The following MYH7 variants were observed in gnomAD, a reference collection of about 807,000 sequenced individuals.
The protein encoded by MYH7 is myosin heavy chain 7, also known as myosin-7.
Under a neutral mutation model 225.4 loss-of-function variants are expected in MYH7, and 129 were observed. The observed-to-expected ratio is 0.57, with a 90% CI of 0.50 to 0.66. The LOEUF (loss-of-function observed/expected upper bound fraction) is 0.66, where lower values mean the gene tolerates loss of function less well. Ranked by LOEUF, MYH7 falls within the 30% of genes least tolerant of loss-of-function variation. MYH7 has a pLI of 0.00. For synonymous variants in MYH7, 971 were observed against 1,007.6 expected, an observed-to-expected ratio of 0.96 and a Z score of 0.69; for missense variants, 1,649 against 2,517.0, an observed-to-expected ratio of 0.66 and a Z score of 7.38.
At chr14:23,417,074 C>T in intron 32 of MYH7, 79 bp downstream of exon 32, 11 of 1,614,040 alleles carry the variant, frequency 6.8e-6, no homozygotes, top group Admixed American at 1.7e-5. Flanking sequence ...GCCCAGACGC[C>T]TCTTGGAGCC....
At chr14:23,431,719 T>G in intron 7 of MYH7, 42 bp from the exon 8 acceptor site, 1 of 1,614,158 alleles carries the variant, frequency 6.2e-7, no homozygotes, top group Non-Finnish European at 8.5e-7. Flanking sequence ...CTCTTCTCCC[T>G]CCCTTTCTGC....
In MYH7 at chr14:23,419,502, G is replaced by A. The variant is rs1595077560; in HGVS notation, c.3834C>T (p.Ala1278=). The part of the protein sequence containing the change: ...RSVNDLTSQR[A]KLQTENGELS... ...GCTCACCATTCTCGGTTTGCAACTT[G>A]GCCCGCTGGCTGGTGAGGTCGTTGA... The change falls in exon 28 of 40, where the codon GCC becomes GCT. Residue 1278 remains alanine, a synonymous_variant. Coordinates refer to ENST00000355349, the MANE Select transcript of MYH7 (RefSeq NM_000257.4). The A allele has an allele frequency of 6.2e-7, 1 of 1,614,116 alleles. No homozygotes were observed. The highest frequency in any genetic ancestry group is 8.5e-7 in the Non-Finnish European group (1 of 1,180,032).
chr14:23,416,524 A>G (rs1180782483), intron 33 of MYH7, among the ~76,000 whole-genome samples: 1 of 152,190 alleles, frequency 6.6e-6, no homozygotes, highest in Non-Finnish European at 1.5e-5. Flanking sequence ...GCCAGCTATG[A>G]AGACAAGGAG....
chr14:23,432,728 ACCT>A lies in MYH7; in HGVS notation c.410_412del (p.Glu137del), dbSNP rs775610366. The A allele has an allele frequency of 6.2e-7, 1 of 1,614,046 alleles. No homozygotes were observed. Among genetic ancestry groups the A allele is most frequent in the South Asian group, 1.1e-5 (1 of 91,070 alleles). ...CTTCTTGCCCCGGTAGGCAGCCACCACCTCAGGAGTGTACACCGGCAGCCACTT... is the reference window on the plus strand; with the variant it reads ...CTTCTTGCCCCGGTAGGCAGCCACCACAGGAGTGTACACCGGCAGCCACTT... On this transcript the variant is annotated inframe_deletion, in exon 5 of 40. Coordinates refer to ENST00000355349, the MANE Select transcript of MYH7 (RefSeq NM_000257.4).
In MYH7 at chr14:23,416,035, T is replaced by G; in HGVS notation, c.4922A>C (p.Lys1641Thr). 1 of 1,614,202 alleles carries G rather than the reference T, an allele frequency of 6.2e-7. No individual in the cohort carries two copies. Among genetic ancestry groups the G allele is most frequent in the South Asian group, 1.1e-5 (1 of 91,086 alleles). The stretch of plus-strand genomic sequence containing the variant: ...CAAGCTCTGGAGGCTCTTGACTTGC[T>G]TCTGGGCCTCGGCGGCCATGCGGTT... The part of the protein sequence containing the change: ...HANRMAAEAQ[K>T]QVKSLQSLLK... The change falls in exon 34 of 40, where the codon AAG becomes ACG. Residue 1641 changes from lysine (K) to threonine (T), a missense_variant. By Grantham distance (78) the Lys-to-Thr change is moderately conservative. This residue lies in a region of MYH7 where 687 missense variants were observed against 913.8 expected (regional missense o/e 0.75). Coordinates refer to ENST00000355349, the MANE Select transcript of MYH7 (RefSeq NM_000257.4).
At position 23,432,490 on chromosome 14, in the gene MYH7, G is replaced by A. The variant is rs1057521338; in HGVS notation, c.519C>T (p.Ser173=). Residue 173 remains serine, a synonymous_variant, in exon 6 of 40, where the codon TCC becomes TCT. Coordinates refer to ENST00000355349, the MANE Select transcript of MYH7 (RefSeq NM_000257.4). ...QYMLTDRENQ[S]ILITGESGAG... is the part of the protein sequence containing the mutation. ...GCAGCTACACTCACGTGATCAGGAT[G>A]GACTGGTTTTCTCTGTCTGTGGGGA... is the stretch of plus-strand genomic sequence containing the variant. The A allele has an allele frequency of 1.9e-6, 3 of 1,614,124 alleles. No individual in the cohort carries two copies. The highest frequency in any genetic ancestry group is 1.6e-4 in the Middle Eastern group (1 of 6,062).
In MYH7 at chr14:23,425,014, G is replaced by T. The variant is rs1728314616; in HGVS notation, c.2434C>A (p.Leu812Met). Residue 812 changes from leucine to methionine, a missense_variant, in exon 22 of 40, where the codon CTG becomes ATG. Transcript: ENST00000355349. The surrounding 1 kb of genome is among the most constrained non-coding windows in gnomAD (Gnocchi z 4.6). ...KKLLERRDSL[L>M]VIQWNIRAFM... ...GCCCGAATGTTCCACTGGATTACCA[G>T]CAGGGAGTCTCTGCAGGGGCCCATT... The T allele has an allele frequency of 6.2e-7, 1 of 1,614,062 alleles. No homozygotes were observed. Among genetic ancestry groups the T allele is most frequent in the African/African-American group, 1.3e-5 (1 of 74,922 alleles).
At position 23,433,550 on chromosome 14, in the gene MYH7, G is replaced by A. The variant is rs370743876; in HGVS notation, c.183C>T (p.Ala61=). 6 of 1,614,064 alleles carry A rather than the reference G, an allele frequency of 3.7e-6. No individual in the cohort carries two copies. Among genetic ancestry groups the A allele is most frequent in the South Asian group, 2.2e-5 (2 of 91,062 alleles). Residue 61 remains alanine, a synonymous_variant, in exon 3 of 40, where the codon GCC becomes GCT. Coordinates refer to ENST00000355349, the MANE Select transcript of MYH7 (RefSeq NM_000257.4). This position sits in a 1 kb window ranked among gnomAD's most constrained non-coding sequence, Gnocchi z 4.1. ...CACCCACCTTGCCATACTCGGTCTC[G>A]GCAGTGACTTTGCCACCCTCTCGAG... ...IVSREGGKVT[A]ETEYGKTVTV... is the part of the protein sequence containing the mutation.
chr14:23,427,811 G>T lies in MYH7; in HGVS notation c.1662C>A (p.Asp554Glu), dbSNP rs750828477. Residue 554 changes from aspartate (D) to glutamate (E), a missense_variant, in exon 16 of 40, where the codon GAC becomes GAA. By Grantham distance (45) the Asp-to-Glu change is conservative. Coordinates refer to ENST00000355349, the MANE Select transcript of MYH7 (RefSeq NM_000257.4). ...AGTTGGCGGATTTGCCCAGGTGGTT[G>T]TCAAACAGCTTGGCCTTGAAGGTCA... ...TDMTFKAKLF[D>E]NHLGKSANFQ... The T allele has an allele frequency of 1.2e-6, 2 of 1,614,078 alleles. No homozygotes were observed. The highest frequency in any genetic ancestry group is 1.7e-6 in the Non-Finnish European group (2 of 1,180,030).
chr14:23,424,380 C>T (rs1301860592), intron 22 of MYH7, among the ~76,000 whole-genome samples: 3 of 152,188 alleles, frequency 2.0e-5, no homozygotes, highest in South Asian at 2.1e-4. Flanking sequence ...TGGACCTCTT[C>T]CTCTGGTCTC....
Position 23,429,920 on chromosome 14 carries a change from G to A in MYH7, c.1000-7C>T, listed in dbSNP as rs200129563. The A allele has an allele frequency of 8.6e-5, 139 of 1,613,932 alleles. No homozygotes were observed. In the Middle Eastern group the frequency reaches 2.0e-3, roughly 23 times the overall value. On this transcript the variant is annotated splice_polypyrimidine_tract_variant and splice_region_variant and intron_variant, in intron 11 of 39. Transcript: ENST00000355349. ...CCAGCACATCAAAAGCGTTCTGTAG[G>A]GAGGCCCCATATTGGCGGACCCCAG...
intron 33 of MYH7, 56 bp downstream of exon 33, chr14:23,416,812 G>A (rs964753161): frequency 1.2e-6 from 2 of 1,612,354 alleles, no homozygotes. Context: ...ATGAGAACAG[G>A]GACCAAAAGC....
Position 23,417,688 on chromosome 14 carries a change from T to C in MYH7, c.4170-2A>G. The C allele has an allele frequency of 6.2e-7, 1 of 1,612,394 alleles. No homozygotes were observed. Among genetic ancestry groups the C allele is most frequent in the Non-Finnish European group, 8.5e-7 (1 of 1,179,856 alleles). On this transcript the variant is annotated splice_acceptor_variant, in intron 30 of 39. Transcript: ENST00000355349. LOFTEE classifies it high-confidence loss of function. ...TGCAGCCGCTGGGCCAGCTTCTTCCTGCCCAGGGGAGGGTGGCAGAGGGTG... is the reference window on the plus strand; with the variant it reads ...TGCAGCCGCTGGGCCAGCTTCTTCCCGCCCAGGGGAGGGTGGCAGAGGGTG...
chr14:23,418,542 G>T (rs1409867753), intron 29 of MYH7, 136 bp from the exon 30 acceptor site: 3 of 1,090,204 alleles, frequency 2.8e-6, no homozygotes, highest in Non-Finnish European at 3.8e-6. Flanking sequence ...GACCTGTCAT[G>T]GTTTACTGTT....
chr14:23,429,039 C>G lies in MYH7; in HGVS notation c.1323G>C (p.Thr441=), dbSNP rs397516096. The part of the protein sequence containing the change: ...VYERMFNWMV[T]RINATLETKQ... ...TGGTCTCCAGGGTGGCATTGATGCG[C>G]GTCACCATCCAGTTGAACATCCTCT... is the stretch of plus-strand genomic sequence containing the variant. Residue 441 remains threonine (T), a synonymous_variant, in exon 14 of 40, where the codon ACG becomes ACC. Transcript: ENST00000355349. The G allele has an allele frequency of 6.2e-7, 1 of 1,614,178 alleles. No individual in the cohort carries two copies.
At chr14:23,430,500 C>CAA in intron 11 of MYH7, 60 bp downstream of exon 11, 1 of 1,354,448 alleles carries the variant, frequency 7.4e-7, no homozygotes, top group Non-Finnish European at 1.0e-6. Context: ...TGCTTTTGGA[C>CAA]CCCTGTTTGC....
Position 23,425,461 on chromosome 14 carries a change from G to A in MYH7, c.2287-43C>T, listed in dbSNP as rs369290786. 2.9e-5 allele frequency: 47 copies of A among 1,613,588 alleles called. No individual in the cohort carries two copies. Among genetic ancestry groups the A allele is most frequent in the Admixed American group, 2.2e-4 (13 of 59,984 alleles). ...GTTGGCCATGACTAGGGAGGGGTACGAGGGAAAGAGATGGTGGGGATTACC... is the reference window on the plus strand; with the variant it reads ...GTTGGCCATGACTAGGGAGGGGTACAAGGGAAAGAGATGGTGGGGATTACC... On this transcript the variant is annotated intron_variant, in intron 20 of 39. Transcript: ENST00000355349. The surrounding 1 kb of genome is among the most constrained non-coding windows in gnomAD (Gnocchi z 4.6).
chr14:23,434,400 T>C (rs1205843996), intron 1 of MYH7, 151 bp from the exon 2 acceptor site: 1 of 352,676 alleles, frequency 2.8e-6, no homozygotes, highest in Middle Eastern at 1.5e-3. Flanking sequence ...CCATCCTTCT[T>C]GTTTTTCAAA....
At chr14:23,431,364 T>C in intron 9 of MYH7, 54 bp downstream of exon 9, 2 of 1,555,320 alleles carry the variant, frequency 1.3e-6, no homozygotes, top group African/African-American at 1.4e-5. Flanking sequence ...CAAGACCAGA[T>C]GGTCTAGAGC....
Sources: allele counts gnomAD v4.1 joint callset (sites outside exome capture counted in the v4.1 genomes callset), GRCh38; gene constraint gnomAD v4.1.1; regional missense constraint gnomAD v4.1.1; non-coding constraint Gnocchi (gnomAD v3.1); transcripts MANE v1.5; gene names NCBI Gene and HGNC (gene_info 2026-07-23, HGNC 2026-07-21).